ERC2: variants seen among roughly 807,000 people sequenced by gnomAD.
ERC2 encodes the protein ERC protein 2.
ERC2 carries 42 observed loss-of-function variants against 114.8 expected under a neutral mutation model. The observed-to-expected ratio is 0.37, with a 90% CI of 0.29 to 0.47. The LOEUF (loss-of-function observed/expected upper bound fraction) is 0.47, where lower values mean the gene tolerates loss of function less well. Among genes scored for constraint, ERC2 ranks in the 20% least tolerant of loss-of-function variants. The probability of loss-of-function intolerance (pLI) is 0.99; values close to 1 mark genes in which losing one functional copy is unlikely to be tolerated. For synonymous variants in ERC2, 454 were observed against 425.5 expected, an observed-to-expected ratio of 1.07 and a Z score of -0.82; for missense variants, 939 against 1,150.7, an observed-to-expected ratio of 0.82 and a Z score of 2.66.
At chr3:55,826,725 C>T (rs79132398) in intron 14 of ERC2, among the ~76,000 whole-genome samples, 1 of 152,196 alleles carries the variant, frequency 6.6e-6, no homozygotes, top group Non-Finnish European at 1.5e-5. Context: ...GTTTTTTCTC[C>T]TCCATATTCA....
intron 15 of ERC2, among the ~76,000 whole-genome samples, chr3:55,703,734 A>G (rs2063346167): frequency 6.6e-6 from 1 of 152,232 alleles, no homozygotes; most frequent in Admixed American, 6.5e-5. Flanking sequence ...AACACATAAG[A>G]GGGAAGATGG....
chr3:55,646,178 T>C (rs845478), intron 17 of ERC2, among the ~76,000 whole-genome samples: 143,697 of 152,272 alleles, frequency 0.94, 67,844 homozygotes, highest in East Asian at 1. Context: ...TAACAAGGTG[T>C]GCCTGTGTTT....
At chr3:55,650,937 C>T (rs975283765) in intron 17 of ERC2, among the ~76,000 whole-genome samples, 1 of 151,854 alleles carries the variant, frequency 6.6e-6, no homozygotes, top group African/African-American at 2.4e-5. Flanking sequence ...ACCTTCACCT[C>T]CCGGGTTCAA....
intron 1 of ERC2, among the ~76,000 whole-genome samples, chr3:56,438,904 C>T (rs1379649994): frequency 6.6e-6 from 1 of 152,182 alleles, no homozygotes; most frequent in Non-Finnish European, 1.5e-5. Context: ...GAAACACACA[C>T]ACATATAACA....
At chr3:55,583,523 C>CCTTCCTTCCTTCCTTCCTTCCTTCCTT (rs1559693270) in intron 17 of ERC2, among the ~76,000 whole-genome samples, 1 of 36,904 alleles carries the variant, frequency 2.7e-5, no homozygotes, top group African/African-American at 1.4e-4. Flanking sequence ...CTCCCTCCCT[C>CCTTCCTTCCTTCCTTCCTTCCTTCCTT]CCTTCCTTCC....
intron 3 of ERC2, among the ~76,000 whole-genome samples, chr3:56,270,070 G>GAGA (rs946557647): frequency 3.3e-5 from 5 of 150,884 alleles, no homozygotes; most frequent in African/African-American, 1.2e-4. Context: ...ACCATTTAAG[G>GAGA]AGGAAAAAAT....
chr3:55,530,215 G>A (rs2053581213), intron 17 of ERC2, among the ~76,000 whole-genome samples: 1 of 152,218 alleles, frequency 6.6e-6, no homozygotes. Flanking sequence ...TTAGGTTTAT[G>A]AAAACCATGC....
chr3:55,681,508 A>G (rs1236058754), intron 17 of ERC2, among the ~76,000 whole-genome samples: 1 of 152,210 alleles, frequency 6.6e-6, no homozygotes, highest in African/African-American at 2.4e-5. Flanking sequence ...ATGCAACTCA[A>G]AACATGCAAC....
At chr3:55,585,113 T>C (rs977109937) in intron 17 of ERC2, among the ~76,000 whole-genome samples, 2 of 152,210 alleles carry the variant, frequency 1.3e-5, no homozygotes, top group Non-Finnish European at 1.5e-5. Flanking sequence ...GTGATTAGCA[T>C]TCCTCGGTTT....
intron 3 of ERC2, among the ~76,000 whole-genome samples, chr3:56,186,680 A>G (rs1041009126): frequency 1.1e-4 from 17 of 152,148 alleles, no homozygotes; most frequent in Admixed American, 6.5e-4. Context: ...CTGGGATTAC[A>G]GGTGCCTGCC....
chr3:55,790,436 C>G (rs1372184486), intron 14 of ERC2, among the ~76,000 whole-genome samples: 2 of 152,162 alleles, frequency 1.3e-5, no homozygotes, highest in Admixed American at 1.3e-4. Context: ...ACCCTCATCC[C>G]GTCAGCACTC....
rs149420621 is a variant in ERC2 at position 55,624,324 on chromosome 3, G to A, written c.*39+59470C>T. Among the ~76,000 whole-genome samples, 870 of 152,304 alleles carry A rather than the reference G, an allele frequency of 5.7e-3. 8 individuals carry two copies. Among genetic ancestry groups the A allele is most frequent in the African/African-American group, 0.02 (818 of 41,556 alleles). On this transcript the variant is annotated intron_variant, in intron 17 of 17. Coordinates refer to ENST00000288221, the MANE Select transcript of ERC2 (RefSeq NM_015576.3). ...GCGGGAGGAATGTGAGGACGAGTCTGAGGTAGTTGAACCTAATATGGTTGG... is the reference window on the plus strand; with the variant it reads ...GCGGGAGGAATGTGAGGACGAGTCTAAGGTAGTTGAACCTAATATGGTTGG...
At chr3:56,324,339 A>G (rs1285231199) in intron 2 of ERC2, among the ~76,000 whole-genome samples, 1 of 152,188 alleles carries the variant, frequency 6.6e-6, no homozygotes, top group Non-Finnish European at 1.5e-5. Flanking sequence ...ACAGGCCACA[A>G]TATACAGATG....
chr3:56,134,494 G>A (rs957042814), intron 6 of ERC2, among the ~76,000 whole-genome samples: 1 of 152,176 alleles, frequency 6.6e-6, no homozygotes, highest in African/African-American at 2.4e-5. Context: ...AAATGCTCTA[G>A]AGCATCTATA....
At chr3:55,534,395 CAA>C (rs34419845) in intron 17 of ERC2, among the ~76,000 whole-genome samples, 10 of 107,254 alleles carry the variant, frequency 9.3e-5, no homozygotes, top group Non-Finnish European at 1.1e-4. Context: ...GAGACCCTGT[CAA>C]AAAAAAAAAA....
chr3:56,151,684 G>A (rs1044912732), intron 4 of ERC2, among the ~76,000 whole-genome samples: 1 of 152,058 alleles, frequency 6.6e-6, no homozygotes, highest in Non-Finnish European at 1.5e-5. Context: ...TTTAAAAATC[G>A]CTAACACTAA....
chr3:56,461,027 G>C (rs2063295423), intron 1 of ERC2, among the ~76,000 whole-genome samples: 1 of 148,840 alleles, frequency 6.7e-6, no homozygotes, highest in South Asian at 2.1e-4. Context: ...AGAACAGTGA[G>C]GTGCACTATA....
rs1335831963 is a variant in ERC2 at position 55,510,321 on chromosome 3, CTGTT to C, written c.*991_*994del. ...CATTTACAGAAAATCTAAGCTTACACTGTTTGCACAGCATTTGGATCTTGAAATG... is the reference window on the plus strand; with the variant it reads ...CATTTACAGAAAATCTAAGCTTACACTGCACAGCATTTGGATCTTGAAATG... On this transcript the variant is annotated 3_prime_UTR_variant, in exon 18 of 18. Transcript: ENST00000288221. The C allele has an allele frequency of 5.3e-5, 8 of 151,952 alleles. No individual in the cohort carries two copies. The highest frequency in any genetic ancestry group is 1.0e-4 in the Non-Finnish European group (7 of 67,930). 9.4% of individuals were successfully genotyped at this position (151,952 alleles called of 1,614,324 possible). A position where few individuals can be genotyped will look rare whatever the true frequency, so the allele number is the denominator to read the frequency against.
At chr3:56,428,378 G>A (rs552146013) in intron 2 of ERC2, among the ~76,000 whole-genome samples, 8 of 151,926 alleles carry the variant, frequency 5.3e-5, no homozygotes, top group South Asian at 2.1e-4. Flanking sequence ...AAAATCAGCC[G>A]CGCGTGCTGG....
Sources: gnomAD v4.1 joint callset for allele counts (sites outside exome capture counted in the v4.1 genomes callset) on GRCh38, gnomAD v4.1.1 for gene constraint, MANE v1.5 for transcripts, NCBI Gene and HGNC (gene_info 2026-07-23, HGNC 2026-07-21) for gene names.